The following FGF13 variants were observed in gnomAD, a reference collection of about 807,000 sequenced individuals.
FGF13 encodes fibroblast growth factor 13.
Under a neutral mutation model 19.5 loss-of-function variants are expected in FGF13, and 2 were observed. The ratio of observed to expected loss-of-function variants is 0.10; its 90% confidence interval spans 0.04 to 0.32. FGF13 has a LOEUF of 0.32. Ranked by LOEUF, FGF13 falls within the 10% of genes least tolerant of loss-of-function variation. The pLI is 1.00. For missense variants in FGF13, 113 were observed against 192.7 expected (o/e 0.59, Z 2.45); for synonymous variants, 72 against 76.9 (o/e 0.94, Z 0.33).
intron 3 of FGF13, among the ~76,000 whole-genome samples, chrX:138,839,613 A>C (rs948395870): frequency 8.9e-6 from 1 of 112,014 alleles, no homozygotes; most frequent in African/African-American, 3.2e-5. Flanking sequence ...ATTTATGAAC[A>C]AGCAGATTTG....
intron 3 of FGF13, among the ~76,000 whole-genome samples, chrX:138,826,515 G>C (rs1039717318): frequency 1.8e-5 from 2 of 111,744 alleles, no homozygotes; most frequent in Non-Finnish European, 3.8e-5. Flanking sequence ...AGTGGTAAAG[G>C]AAAGATCTAC....
At chrX:138,702,229 C>A (rs1379478192) in intron 3 of FGF13, among the ~76,000 whole-genome samples, 2 of 111,272 alleles carry the variant, frequency 1.8e-5, no homozygotes, top group African/African-American at 6.5e-5. Context: ...AATAAAAATT[C>A]ATATATCAAA....
At chrX:139,093,777 A>C (rs1603196443) in intron 1 of FGF13, among the ~76,000 whole-genome samples, 1 of 111,988 alleles carries the variant, frequency 8.9e-6, no homozygotes, top group East Asian at 2.8e-4. Flanking sequence ...AGAGTACAAC[A>C]GTATCTCTGC....
chrX:139,113,216 G>A (rs1039629126), intron 1 of FGF13, among the ~76,000 whole-genome samples: 24 of 110,098 alleles, frequency 2.2e-4, no homozygotes, highest in African/African-American at 5.6e-4. Context: ...GGATTCAGTC[G>A]CATTCAAGAG....
At chrX:139,172,519 A>C (rs1316203560) in intron 1 of FGF13, among the ~76,000 whole-genome samples, 5 of 111,539 alleles carry the variant, frequency 4.5e-5, no homozygotes, top group African/African-American at 1.6e-4. Flanking sequence ...AGCACACACC[A>C]GGTATTCGAT....
chrX:138,942,419 A>G (rs1046281664), intron 1 of FGF13, among the ~76,000 whole-genome samples: 3 of 112,119 alleles, frequency 2.7e-5, no homozygotes, highest in Admixed American at 1.9e-4. Context: ...CATCTGCATA[A>G]CAATTTGGCA....
chrX:139,027,125 A>C (rs981389623), intron 1 of FGF13, among the ~76,000 whole-genome samples: 1 of 111,830 alleles, frequency 8.9e-6, no homozygotes, highest in Non-Finnish European at 1.9e-5. Context: ...ACACATATCC[A>C]TTGCATCTCC....
chrX:138,946,990 G>A (rs983668330), intron 1 of FGF13, among the ~76,000 whole-genome samples: 1 of 112,146 alleles, frequency 8.9e-6, no homozygotes, highest in Non-Finnish European at 1.9e-5. Context: ...ACAAGAGGTC[G>A]ATTGCAGAGG....
At chrX:138,788,858 T>G (rs1332039403) in intron 3 of FGF13, among the ~76,000 whole-genome samples, 1 of 112,103 alleles carries the variant, frequency 8.9e-6, no homozygotes, top group Non-Finnish European at 1.9e-5. Flanking sequence ...TTTGCATAAT[T>G]CCATCTTGAA....
chrX:138,769,077 G>A (rs1446140911), intron 3 of FGF13, among the ~76,000 whole-genome samples: 4 of 111,075 alleles, frequency 3.6e-5, no homozygotes, highest in African/African-American at 1.3e-4. Flanking sequence ...ACTGTAACAC[G>A]CTTGACCTAT....
intron 1 of FGF13, among the ~76,000 whole-genome samples, chrX:139,071,984 C>T (rs772249102): frequency 2.3e-5 from 2 of 88,614 alleles, no homozygotes; most frequent in South Asian, 1.3e-3. Flanking sequence ...CCACTGCACT[C>T]CAGCCACAGA....
chrX:138,772,018 G>GTATATA (rs56411673), intron 3 of FGF13, among the ~76,000 whole-genome samples: 784 of 56,410 alleles, frequency 0.014, 17 homozygotes, highest in Non-Finnish European at 0.02. Context: ...ATACATATGT[G>GTATATA]TATATATATA....
chrX:138,853,637 G>GTGTC (rs1350986220), downstream of FGF13, among the ~76,000 whole-genome samples: 3 of 109,955 alleles, frequency 2.7e-5, no homozygotes, highest in Non-Finnish European at 5.7e-5. Flanking sequence ...GTGTGTGTGT[G>GTGTC]TGTGTGTGTG....
chrX:138,861,403 A>T (rs2091287496), intron 2 of FGF13, among the ~76,000 whole-genome samples: 1 of 112,634 alleles, frequency 8.9e-6, no homozygotes, highest in Non-Finnish European at 1.9e-5. Context: ...AAATAAGTTA[A>T]TCATTTATCT....
Position 138,998,977 on chromosome X carries a change from CA to C in FGF13, c.-112-134328del, listed in dbSNP as rs767182104. Among the ~76,000 whole-genome samples the C allele has an allele frequency of 3.0e-4, 34 of 112,212 alleles. No individual in the cohort carries two copies. The East Asian group carries it at 9.0e-3, about 30-fold the overall frequency. On this transcript the variant is annotated intron_variant, in intron 1 of 2. Transcript: ENST00000421460. ...AAATGTAAAAGAAGAGACATCACAA[CA>C]AACTGTTTCTCAGACCACAGTGCAA... is the stretch of plus-strand genomic sequence containing the variant.
intron 3 of FGF13, among the ~76,000 whole-genome samples, chrX:138,794,243 A>AT (rs1285492752): frequency 8.9e-6 from 1 of 111,846 alleles, no homozygotes; most frequent in Admixed American, 9.6e-5. Flanking sequence ...CCCAGCCAGT[A>AT]TTTTTTGCAA....
intron 1 of FGF13, among the ~76,000 whole-genome samples, chrX:139,132,117 T>G (rs2083766527): frequency 8.9e-6 from 1 of 112,118 alleles, no homozygotes; most frequent in Non-Finnish European, 1.9e-5. Context: ...AAAGACAAGA[T>G]GTAGTATTTA....
Position 138,711,427 on chromosome X carries a change from G to A in FGF13, c.-424C>T. ...TGATGGGGGCCAGAGGAGGGAGGCG[G>A]GCGGAGGGAGTGAGCGCGGGCGGGA... On this transcript the variant is annotated 5_prime_UTR_variant, in exon 1 of 5. Coordinates refer to ENST00000315930, the MANE Select transcript of FGF13 (RefSeq NM_004114.5). The A allele has an allele frequency of 1.5e-6, 1 of 648,167 alleles. No homozygotes were observed. 53.4% of individuals were successfully genotyped at this position (648,167 alleles called of 1,213,427 possible). A position where few individuals can be genotyped will look rare whatever the true frequency, so the allele number is the denominator to read the frequency against.
intron 3 of FGF13, among the ~76,000 whole-genome samples, chrX:138,805,456 T>C (rs1241303830): frequency 9.0e-6 from 1 of 111,559 alleles, no homozygotes; most frequent in Non-Finnish European, 1.9e-5. Flanking sequence ...ATTGCCTGCA[T>C]GGATTGTATT....
Sources: gnomAD v4.1 joint callset for allele counts (sites outside exome capture counted in the v4.1 genomes callset) on GRCh38, gnomAD v4.1.1 for gene constraint, MANE v1.5 for transcripts, NCBI Gene and HGNC (gene_info 2026-07-23, HGNC 2026-07-21) for gene names.